Variants in PDE1C observed in about 807,000 individuals in gnomAD.
PDE1C encodes the protein dual specificity calcium/calmodulin-dependent 3',5'-cyclic nucleotide phosphodiesterase 1C.
PDE1C carries 62 observed loss-of-function variants against 93.1 expected under a neutral mutation model. The observed-to-expected ratio is 0.67, with a 90% CI of 0.54 to 0.82. The LOEUF (loss-of-function observed/expected upper bound fraction) is 0.82. Among genes scored for constraint, PDE1C ranks in the 40% least tolerant of loss-of-function variants. The pLI is 0.00. For synonymous variants in PDE1C, 325 were observed against 310.1 expected (o/e 1.05, Z -0.50); for missense variants, 742 against 884.6 (o/e 0.84, Z 2.04).
At chr7:32,243,332 G>A (rs1266743183) in intron 1 of PDE1C, among the ~76,000 whole-genome samples, 2 of 152,216 alleles carry the variant, frequency 1.3e-5, no homozygotes, top group East Asian at 3.8e-4. Flanking sequence ...GGAGAATGGG[G>A]AACACTCAAA....
chr7:31,963,361 T>C (rs979839135), intron 2 of PDE1C, among the ~76,000 whole-genome samples: 1 of 152,224 alleles, frequency 6.6e-6, no homozygotes, highest in African/African-American at 2.4e-5. Flanking sequence ...TAAACATTTA[T>C]TTAGGGATGA....
intron 1 of PDE1C, among the ~76,000 whole-genome samples, chr7:32,232,852 C>T (rs1807807237): frequency 6.6e-6 from 1 of 152,178 alleles, no homozygotes; most frequent in South Asian, 2.1e-4. Flanking sequence ...CTAATCACAA[C>T]CCACAGAAGG....
At chr7:32,415,769 C>T (rs1785264458) in intron 1 of PDE1C, among the ~76,000 whole-genome samples, 1 of 152,126 alleles carries the variant, frequency 6.6e-6, no homozygotes, top group Admixed American at 6.5e-5. Context: ...ATTAGTGTGG[C>T]TGTGGAAAAA....
intron 16 of PDE1C, among the ~76,000 whole-genome samples, chr7:31,781,670 T>A (rs1007601482): frequency 1.5e-4 from 22 of 150,224 alleles, no homozygotes; most frequent in African/African-American, 4.2e-4. Context: ...ACTGAAAGAG[T>A]CTGGAGGTCT....
chr7:31,955,517 G>T (rs1439662432), intron 2 of PDE1C, among the ~76,000 whole-genome samples: 2 of 152,158 alleles, frequency 1.3e-5, no homozygotes, highest in African/African-American at 4.8e-5. Flanking sequence ...TTTCCAGAGA[G>T]TAGGTTCAAT....
At chr7:32,349,039 G>T (rs1469055808) in intron 1 of PDE1C, among the ~76,000 whole-genome samples, 2 of 152,208 alleles carry the variant, frequency 1.3e-5, no homozygotes, top group Non-Finnish European at 2.9e-5. Context: ...AGCCATCAAA[G>T]AACCAACCAA....
At chr7:31,625,705 T>C in the PDE1C span, among the ~76,000 whole-genome samples, 1 of 152,132 alleles carries the variant, frequency 6.6e-6, no homozygotes, top group African/African-American at 2.4e-5. Context: ...CGCACCAACA[T>C]GTCACATGTA....
intron 2 of PDE1C, among the ~76,000 whole-genome samples, chr7:31,925,333 T>C (rs960615294): frequency 2.6e-5 from 4 of 152,152 alleles, no homozygotes; most frequent in African/African-American, 9.7e-5. Flanking sequence ...AGTTAAATAT[T>C]TAATTTGTTA....
intron 2 of PDE1C, among the ~76,000 whole-genome samples, chr7:31,945,717 T>C (rs1346879340): frequency 6.6e-6 from 1 of 152,172 alleles, no homozygotes; most frequent in Non-Finnish European, 1.5e-5. Flanking sequence ...ATATATGTCA[T>C]TAGTTTTAAA....
intron 1 of PDE1C, among the ~76,000 whole-genome samples, chr7:32,387,864 C>G (rs548714616): frequency 0.011 from 1,313 of 120,750 alleles, 19 homozygotes; most frequent in African/African-American, 0.045. Context: ...GGGCTGACCC[C>G]CCTCCCCCCT....
chr7:31,755,115 T>C (rs890310298), intron 17 of PDE1C, among the ~76,000 whole-genome samples: 3 of 152,152 alleles, frequency 2.0e-5, no homozygotes, highest in Non-Finnish European at 4.4e-5. Context: ...CATGGGGCTA[T>C]TGGTTATCAA....
intron 1 of PDE1C, among the ~76,000 whole-genome samples, chr7:32,255,393 C>T (rs950630637): frequency 1.3e-5 from 2 of 152,190 alleles, no homozygotes; most frequent in African/African-American, 4.8e-5. Context: ...CACACTCAAA[C>T]TTTTTAACTT....
At chr7:32,027,408 A>C (rs1333495000) in intron 2 of PDE1C, among the ~76,000 whole-genome samples, 1 of 152,174 alleles carries the variant, frequency 6.6e-6, no homozygotes, top group Non-Finnish European at 1.5e-5. Context: ...TTGACATGCA[A>C]ACTTAATGGT....
At chr7:32,282,209 G>A (rs1811685074) in intron 1 of PDE1C, among the ~76,000 whole-genome samples, 1 of 151,822 alleles carries the variant, frequency 6.6e-6, no homozygotes, top group Admixed American at 6.6e-5. Flanking sequence ...GGGTGTGGTG[G>A]CTCACACCTG....
chr7:32,107,045 A>G (rs1045572555), intron 3 of PDE1C, among the ~76,000 whole-genome samples: 1 of 151,882 alleles, frequency 6.6e-6, no homozygotes, highest in Non-Finnish European at 1.5e-5. Flanking sequence ...AGAAATGAAA[A>G]ATGACTTTGG....
chr7:32,089,146 C>T (rs1409231921), intron 3 of PDE1C, among the ~76,000 whole-genome samples: 1 of 152,072 alleles, frequency 6.6e-6, no homozygotes, highest in African/African-American at 2.4e-5. Flanking sequence ...CTCTTCTTTC[C>T]CTAAACATAA....
intron 2 of PDE1C, among the ~76,000 whole-genome samples, chr7:32,017,847 G>A (rs1296001470): frequency 6.6e-6 from 1 of 152,116 alleles, no homozygotes; most frequent in Non-Finnish European, 1.5e-5. Flanking sequence ...GGGAGGCTGA[G>A]GATGGTGGAT....
At chr7:32,037,774 T>G (rs879879223) in intron 2 of PDE1C, among the ~76,000 whole-genome samples, 2 of 152,114 alleles carry the variant, frequency 1.3e-5, no homozygotes, top group African/African-American at 4.8e-5. Context: ...CCACATTTCA[T>G]TTTTTGTTTT....
chr7:32,172,823 TA>T (rs70989638), intron 2 of PDE1C, among the ~76,000 whole-genome samples: 21,588 of 104,264 alleles, frequency 0.21, 2,273 homozygotes, highest in East Asian at 0.58. Flanking sequence ...ACTCCATCTT[TA>T]AAAAAAAAAA....
Sources: gnomAD v4.1 joint callset for allele counts (sites outside exome capture counted in the v4.1 genomes callset) on GRCh38, gnomAD v4.1.1 for gene constraint, MANE v1.5 for transcripts, NCBI Gene and HGNC (gene_info 2026-07-23, HGNC 2026-07-21) for gene names.